The following PBX1 variants were observed in gnomAD, a reference collection of about 807,000 sequenced individuals.
PBX1 encodes PBX homeobox 1.
A neutral mutation model predicts 53.4 loss-of-function variants in PBX1; 6 were observed. The ratio of observed to expected loss-of-function variants is 0.11; its 90% CI spans 0.06 to 0.22. The LOEUF is 0.22. Among genes scored for constraint, PBX1 ranks in the 10% least tolerant of loss-of-function variants. The pLI is 1.00. For missense variants in PBX1, 251 were observed against 551.4 expected (o/e 0.46, Z 5.46); for synonymous variants, 204 against 212.3 (o/e 0.96, Z 0.34).
chr1:164,859,110 T>C (rs1672038624), intron 2 of PBX1, among the ~76,000 whole-genome samples: 1 of 152,178 alleles, frequency 6.6e-6, no homozygotes, highest in African/African-American at 2.4e-5. Context: ...TGAATGGAAA[T>C]CAAGAAAACA....
At chr1:164,825,413 A>G (rs752648819) in intron 8 of PBX1, among the ~76,000 whole-genome samples, 3 of 152,206 alleles carry the variant, frequency 2.0e-5, no homozygotes, top group Admixed American at 6.5e-5. Context: ...TGCATGTTCT[A>G]GTTGCTCAAA....
At chr1:164,753,870 A>T (rs1399844704) in intron 2 of PBX1, among the ~76,000 whole-genome samples, 2 of 152,134 alleles carry the variant, frequency 1.3e-5, no homozygotes, top group South Asian at 2.1e-4. Context: ...TGGAAACGGG[A>T]ATGATGCAGT....
At chr1:164,825,392 G>A (rs1398506256) in intron 8 of PBX1, among the ~76,000 whole-genome samples, 1 of 152,090 alleles carries the variant, frequency 6.6e-6, no homozygotes, top group Admixed American at 6.6e-5. Flanking sequence ...CCATGTGTAT[G>A]GTCCTAAAAA....
intron 2 of PBX1, among the ~76,000 whole-genome samples, chr1:164,668,741 G>A (rs1405533886): frequency 6.6e-6 from 1 of 152,242 alleles, no homozygotes; most frequent in African/African-American, 2.4e-5. Flanking sequence ...TCGCGCCAAT[G>A]TGGCAGCAGC....
At chr1:164,674,877 G>T (rs970922009) in intron 2 of PBX1, 4 of 85,910 alleles carry the variant, frequency 4.7e-5, no homozygotes, top group Non-Finnish European at 9.1e-5. Context: ...ACCACCAAGA[G>T]GATCTTTAAA....
intron 2 of PBX1, among the ~76,000 whole-genome samples, chr1:164,775,055 C>T (rs948874596): frequency 3.3e-5 from 5 of 152,132 alleles, no homozygotes; most frequent in African/African-American, 7.2e-5. Flanking sequence ...CTCTGTGCTT[C>T]GCTACACCGA....
chr1:164,618,963 A>G (rs1306651175), intron 2 of PBX1, among the ~76,000 whole-genome samples: 3 of 152,212 alleles, frequency 2.0e-5, no homozygotes, highest in African/African-American at 7.2e-5. Context: ...TTAATTGGCC[A>G]TCAGCTTTGT....
intron 3 of PBX1, among the ~76,000 whole-genome samples, chr1:164,797,881 T>A (rs533974700): frequency 1.3e-5 from 2 of 152,324 alleles, no homozygotes; most frequent in East Asian, 1.9e-4. Context: ...ACTTTGAAGA[T>A]CCCACAGCCA....
chr1:164,607,881 CCTCTGGG>C (rs1656664743), intron 2 of PBX1, among the ~76,000 whole-genome samples: 1 of 152,196 alleles, frequency 6.6e-6, no homozygotes, highest in Non-Finnish European at 1.5e-5. Context: ...CCACAGCCTT[CCTCTGGG>C]CTCTTATACT....
intron 8 of PBX1, among the ~76,000 whole-genome samples, chr1:164,844,393 TCTATCTACCTGC>T (rs1054624855): frequency 6.6e-6 from 1 of 151,968 alleles, no homozygotes; most frequent in Admixed American, 6.6e-5. Context: ...TACCTACCTA[TCTATCTACCTGC>T]CTATCTACCT....
intron 2 of PBX1, among the ~76,000 whole-genome samples, chr1:164,870,290 TTTCTTTCTTTCTTTC>T (rs1672337053): frequency 2.7e-5 from 1 of 36,778 alleles, no homozygotes; most frequent in African/African-American, 1.2e-4. Context: ...TCTTTCTTTC[TTTCTTTCTTTCTTTC>T]TTTCTTTCTT....
chr1:164,593,236 G>T (rs1336260850), intron 2 of PBX1, among the ~76,000 whole-genome samples: 1 of 152,150 alleles, frequency 6.6e-6, no homozygotes, highest in African/African-American at 2.4e-5. Context: ...GGAATAACAG[G>T]CATGAGCCAC....
intron 2 of PBX1, among the ~76,000 whole-genome samples, chr1:164,767,259 T>A (rs748713429): frequency 6.6e-6 from 1 of 152,148 alleles, no homozygotes; most frequent in Non-Finnish European, 1.5e-5. Context: ...TGTCAACTCT[T>A]CATTCAAAAA....
intron 2 of PBX1, among the ~76,000 whole-genome samples, chr1:164,614,552 A>G (rs986327454): frequency 6.6e-6 from 1 of 152,142 alleles, no homozygotes; most frequent in African/African-American, 2.4e-5. Context: ...GTCCCTACCT[A>G]AAATTGATGT....
intron 2 of PBX1, chr1:164,625,951 G>A (rs914897387): frequency 2.9e-6 from 3 of 1,036,842 alleles, no homozygotes; most frequent in Non-Finnish European, 3.5e-6. Flanking sequence ...CCAGGAGTCG[G>A]AACTGCCCCT....
chr1:164,688,667 C>T (rs958460278), intron 2 of PBX1, among the ~76,000 whole-genome samples: 6 of 152,118 alleles, frequency 3.9e-5, no homozygotes, highest in African/African-American at 9.7e-5. Context: ...ATCAATGACA[C>T]ATGACCCTAA....
chr1:164,860,439 C>T (rs529067398), intron 2 of PBX1, among the ~76,000 whole-genome samples: 100 of 152,130 alleles, frequency 6.6e-4, no homozygotes, highest in Non-Finnish European at 9.4e-4. Context: ...CTCCTTTTTA[C>T]TAGGTTCAAG....
At chr1:164,833,502 G>A (rs1406543887) in intron 8 of PBX1, among the ~76,000 whole-genome samples, 1 of 152,192 alleles carries the variant, frequency 6.6e-6, no homozygotes, top group East Asian at 1.9e-4. Context: ...CATCTTACGT[G>A]ACCTAGCTCA....
At chr1:164,784,069 T>C (rs572243887) in intron 2 of PBX1, among the ~76,000 whole-genome samples, 1 of 152,146 alleles carries the variant, frequency 6.6e-6, no homozygotes, top group Non-Finnish European at 1.5e-5. Context: ...AAGGAAACTG[T>C]TCCTTGTATC....
Sources: allele counts gnomAD v4.1 joint callset (sites outside exome capture counted in the v4.1 genomes callset), GRCh38; gene constraint gnomAD v4.1.1; transcripts MANE v1.5; gene names NCBI Gene and HGNC (gene_info 2026-07-23, HGNC 2026-07-21).